Variants in STK3 observed in about 807,000 individuals in gnomAD.
STK3 encodes serine/threonine kinase 3, also known as serine/threonine-protein kinase 3.
Under a neutral mutation model 58.0 loss-of-function variants are expected in STK3, and 41 were observed. The observed-to-expected ratio is 0.71, with a 90% CI of 0.55 to 0.92. STK3 has a LOEUF of 0.92. STK3 is among the 40% of genes least tolerant of loss of function. STK3 has a pLI of 0.00. For synonymous variants in STK3, 170 were observed against 191.0 expected, an observed-to-expected ratio of 0.89 and a Z score of 0.91; for missense variants, 479 against 602.7, an observed-to-expected ratio of 0.79 and a Z score of 2.15.
At chr8:98,423,238 G>A (rs1260354046) in intron 3 of STK3, among the ~76,000 whole-genome samples, 5 of 152,248 alleles carry the variant, frequency 3.3e-5, no homozygotes, top group African/African-American at 9.6e-5. Flanking sequence ...GAAGGCACAA[G>A]AGAAACTGAC....
At chr8:98,382,516 C>A (rs73272081) in intron 1 of STK3, among the ~76,000 whole-genome samples, 8,736 of 152,142 alleles carry the variant, frequency 0.057, 622 homozygotes, top group East Asian at 0.16. Flanking sequence ...CTGTCTCCTC[C>A]AGCCCAGAAA....
chr8:98,490,129 T>C (rs180729439), intron 10 of STK3, among the ~76,000 whole-genome samples: 71 of 152,344 alleles, frequency 4.7e-4, no homozygotes, highest in African/African-American at 1.7e-3. Flanking sequence ...CAAGTTTCCT[T>C]AGTTACAGAT....
intron 1 of STK3, 47 bp downstream of exon 1, chr8:98,825,468 G>A (rs1380218721): frequency 1.4e-6 from 2 of 1,422,202 alleles, no homozygotes; most frequent in Non-Finnish European, 1.9e-6. Context: ...CCGCCCCGCG[G>A]CCGCCGGCGC....
At chr8:98,681,355 A>G (rs1051087861) in intron 6 of STK3, among the ~76,000 whole-genome samples, 5 of 152,166 alleles carry the variant, frequency 3.3e-5, no homozygotes, top group African/African-American at 9.7e-5. Flanking sequence ...TCAAGATACA[A>G]TAAGAGTTGA....
chr8:98,936,878 G>T (rs950519926), intron 1 of STK3, among the ~76,000 whole-genome samples: 3 of 152,252 alleles, frequency 2.0e-5, no homozygotes, highest in Non-Finnish European at 1.5e-5. Flanking sequence ...CAAAGCATGG[G>T]CCAGGGATGG....
At chr8:98,933,085 A>G (rs188932756) in intron 1 of STK3, among the ~76,000 whole-genome samples, 2 of 152,286 alleles carry the variant, frequency 1.3e-5, no homozygotes, top group African/African-American at 4.8e-5. Context: ...ACTCCAACAC[A>G]TAGAATGGGG....
chr8:98,500,684 T>C (rs1823511606), intron 10 of STK3, among the ~76,000 whole-genome samples: 1 of 152,190 alleles, frequency 6.6e-6, no homozygotes, highest in South Asian at 2.1e-4. Flanking sequence ...TTGTGACAGT[T>C]TGCTCAGAAT....
chr8:98,532,747 T>C (rs1826260937), intron 9 of STK3, among the ~76,000 whole-genome samples: 1 of 152,186 alleles, frequency 6.6e-6, no homozygotes, highest in African/African-American at 2.4e-5. Context: ...TTTTTTTAAT[T>C]ACCATCAAAA....
intron 3 of STK3, among the ~76,000 whole-genome samples, chr8:98,394,633 A>G (rs1207342619): frequency 6.6e-6 from 1 of 152,262 alleles, no homozygotes; most frequent in Non-Finnish European, 1.5e-5. Context: ...ATTCATCCTC[A>G]AAGGATTCTT....
At chr8:98,355,320 T>C in the STK3 span, among the ~76,000 whole-genome samples, 1 of 152,256 alleles carries the variant, frequency 6.6e-6, no homozygotes, top group Non-Finnish European at 1.5e-5. Flanking sequence ...TTCTTCCTGC[T>C]CTGCTGTACA....
chr8:98,814,658 C>T (rs959631347), intron 1 of STK3, among the ~76,000 whole-genome samples: 2 of 152,060 alleles, frequency 1.3e-5, no homozygotes, highest in African/African-American at 2.4e-5. Context: ...AAGCGTGAAA[C>T]ACCACACCTG....
chr8:98,849,666 T>C (rs2131827406), intron 3 of STK3, among the ~76,000 whole-genome samples: 1 of 152,290 alleles, frequency 6.6e-6, no homozygotes, highest in African/African-American at 2.4e-5. Context: ...AATTCTCAGG[T>C]GAGCTTGCTC....
intron 3 of STK3, among the ~76,000 whole-genome samples, chr8:98,848,094 T>C (rs916993168): frequency 6.6e-6 from 1 of 152,200 alleles, no homozygotes; most frequent in Non-Finnish European, 1.5e-5. Flanking sequence ...TCATTTAAAG[T>C]GTAAAGTTCA....
At chr8:98,920,993 G>A (rs1456944854) in intron 1 of STK3, among the ~76,000 whole-genome samples, 1 of 152,230 alleles carries the variant, frequency 6.6e-6, no homozygotes, top group Non-Finnish European at 1.5e-5. Context: ...GGTTGGGTGG[G>A]TGTATCTAGT....
intron 1 of STK3, among the ~76,000 whole-genome samples, chr8:98,886,178 T>C (rs1466928790): frequency 6.6e-6 from 1 of 152,180 alleles, no homozygotes; most frequent in Non-Finnish European, 1.5e-5. Context: ...CACAGAACTA[T>C]GTACACATAC....
intron 1 of STK3, among the ~76,000 whole-genome samples, chr8:98,381,359 C>G (rs1045101265): frequency 6.6e-6 from 1 of 152,314 alleles, no homozygotes; most frequent in African/African-American, 2.4e-5. Context: ...TGTGATGGGG[C>G]TCCTACCACT....
chr8:98,865,236 C>G (rs1049944561), intron 3 of STK3, among the ~76,000 whole-genome samples: 1 of 152,156 alleles, frequency 6.6e-6, no homozygotes, highest in Non-Finnish European at 1.5e-5. Context: ...CAAAAACTTT[C>G]TTAACAATTA....
At chr8:98,375,911 T>C (rs1471699336) in intron 2 of STK3, among the ~76,000 whole-genome samples, 3 of 152,246 alleles carry the variant, frequency 2.0e-5, no homozygotes, top group Non-Finnish European at 4.4e-5. Context: ...TGTGTATGCA[T>C]ACATTTTTAT....
chr8:98,897,428 C>G (rs554987202), intron 1 of STK3, among the ~76,000 whole-genome samples: 70 of 152,052 alleles, frequency 4.6e-4, no homozygotes, highest in African/African-American at 1.7e-3. Flanking sequence ...GGCGTGGTCA[C>G]GGCGGACGCC....
Sources: allele counts gnomAD v4.1 joint callset (sites outside exome capture counted in the v4.1 genomes callset), GRCh38; gene constraint gnomAD v4.1.1; transcripts MANE v1.5; gene names NCBI Gene and HGNC (gene_info 2026-07-23, HGNC 2026-07-21).